ACACB: variants seen among roughly 807,000 people sequenced by gnomAD.
ACACB encodes acetyl-CoA carboxylase beta, also known as acetyl-CoA carboxylase 2.
Under a neutral mutation model 278.8 loss-of-function variants are expected in ACACB, and 209 were observed. That is an observed-to-expected ratio of 0.75 (90% CI 0.67 to 0.84). ACACB has a LOEUF of 0.84. Ranked by LOEUF, ACACB falls within the 40% of genes least tolerant of loss-of-function variation. The probability of loss-of-function intolerance (pLI) is 0.00; values close to 1 mark genes in which losing one functional copy is unlikely to be tolerated. For synonymous variants in ACACB, 1,174 were observed against 1,285.6 expected, an observed-to-expected ratio of 0.91 and a Z score of 1.86; for missense variants, 2,850 against 3,269.0, an observed-to-expected ratio of 0.87 and a Z score of 3.13.
At position 109,185,710 on chromosome 12, in the gene ACACB, C is replaced by G. The variant is rs143351589; in HGVS notation, c.1950C>G (p.Ala650=). ...CCCTCGCCCGAGGCCACGTCATTGC[C>G]GCCAGAATCACCAGCGAAAACCCAG... is the stretch of plus-strand genomic sequence containing the variant. The part of the protein sequence containing the change: ...NPPLARGHVI[A]ARITSENPDE... The change falls in exon 12 of 53, where the codon GCC becomes GCG. Residue 650 remains alanine, a synonymous_variant. Coordinates refer to ENST00000338432, the MANE Select transcript of ACACB (RefSeq NM_001093.4). 1 of 1,611,278 alleles carries G rather than the reference C, an allele frequency of 6.2e-7. No individual in the cohort carries two copies. The highest frequency in any genetic ancestry group is 1.7e-5 in the Admixed American group (1 of 59,804).
intron 42 of ACACB, 101 bp from the exon 43 acceptor site, chr12:109,252,914 C>G: frequency 8.3e-7 from 1 of 1,206,208 alleles, no homozygotes; most frequent in Non-Finnish European, 1.1e-6. Context: ...CTGGGTGATT[C>G]TAATGTGTAG....
intron 2 of ACACB, among the ~76,000 whole-genome samples, chr12:109,151,254 A>C (rs544981298): frequency 2.0e-5 from 3 of 152,184 alleles, no homozygotes; most frequent in African/African-American, 4.8e-5. Context: ...AAGTGCTGGG[A>C]TTACAGGTGT....
intron 29 of ACACB, among the ~76,000 whole-genome samples, chr12:109,233,189 C>T (rs537685694): frequency 6.6e-6 from 1 of 152,096 alleles, no homozygotes; most frequent in African/African-American, 2.4e-5. Context: ...CATAGGTGCG[C>T]CATGAGAATT....
rs373662394 is a variant in ACACB, at chr12:109,258,305, A to C, written c.6301A>C (p.Thr2101Pro). 9.9e-6 allele frequency: 16 copies of C among 1,612,522 alleles called. 1 individual carries two copies. The African/African-American group carries it at 2.0e-4, about 20-fold the overall frequency. Reference sequence around the variant, plus strand: ...TCCCGTGGGAGTGATTGCTGTGGAGACACGGACTGTGGAGGTGGCAGTCCC... The same window carrying C: ...TCCCGTGGGAGTGATTGCTGTGGAGCCACGGACTGTGGAGGTGGCAGTCCC... ...GIPVGVIAVETRTVEVAVPAD... is the reference protein window; with the variant it reads ...GIPVGVIAVEPRTVEVAVPAD... Residue 2101 changes from threonine to proline, a missense_variant, in exon 46 of 53, where the codon ACA (threonine) becomes CCA (proline). Around this residue, in one of 3 missense-constraint regions of ACACB, gnomAD observed 579 missense variants for 684.6 expected, o/e 0.85. Transcript: ENST00000338432.
intron 1 of ACACB, among the ~76,000 whole-genome samples, chr12:109,118,822 T>C (rs965736398): frequency 1.3e-5 from 2 of 152,238 alleles, no homozygotes; most frequent in Non-Finnish European, 2.9e-5. Flanking sequence ...GTTAGAAATA[T>C]TGCATTTGAT....
chr12:109,192,028 T>A, intron 15 of ACACB, 78 bp downstream of exon 15: 1 of 1,462,624 alleles, frequency 6.8e-7, no homozygotes, highest in Non-Finnish European at 9.5e-7. Context: ...CTCCTTTATT[T>A]GTGTGGCCAG....
At chr12:109,187,742 G>C (rs944613274) in intron 12 of ACACB, among the ~76,000 whole-genome samples, 1 of 151,964 alleles carries the variant, frequency 6.6e-6, no homozygotes, top group African/African-American at 2.4e-5. Context: ...TTACAGACAT[G>C]AGCCACTGCG....
intron 15 of ACACB, among the ~76,000 whole-genome samples, chr12:109,192,290 C>T (rs1331246795): frequency 6.6e-6 from 1 of 152,196 alleles, no homozygotes; most frequent in Non-Finnish European, 1.5e-5. Flanking sequence ...GTCATCTCTA[C>T]AAGCGGGTGC....
chr12:109,262,977 T>TATATATATATATATATATATAA (rs1565985883), intron 49 of ACACB: 1 of 135,878 alleles, frequency 7.4e-6, no homozygotes, highest in African/African-American at 2.7e-5. Context: ...TATATATATA[T>TATATATATATATATATATATAA]ATATATTGCC....
At chr12:109,160,820 G>C (rs1020894859) in intron 2 of ACACB, among the ~76,000 whole-genome samples, 1 of 152,212 alleles carries the variant, frequency 6.6e-6, no homozygotes, top group African/African-American at 2.4e-5. Flanking sequence ...TGCGGTAATG[G>C]GCTTGTGGCC....
At chr12:109,234,986 A>G (rs1178199305) in intron 31 of ACACB, among the ~76,000 whole-genome samples, 4 of 152,096 alleles carry the variant, frequency 2.6e-5, no homozygotes, top group Non-Finnish European at 5.9e-5. Flanking sequence ...CAGGTTGTAC[A>G]ACCATCACCA....
chr12:109,265,499 C>T lies in ACACB; in HGVS notation c.7224C>T (p.His2408=), dbSNP rs941070297. ...GTGAGAACATCACGTACCTGAAGCA[C>T]GACTCTGTCCTCAAGACCATCCGAG... ...TIRENITYLK[H]DSVLKTIRGL... The change falls in exon 52 of 53, where the codon CAC becomes CAT. Residue 2408 remains histidine (H), a synonymous_variant. Transcript: ENST00000338432. 3.7e-5 allele frequency: 59 copies of T among 1,613,624 alleles called. No individual in the cohort carries two copies. Among genetic ancestry groups the T allele is most frequent in the African/African-American group, 6.7e-5 (5 of 74,914 alleles).
chr12:109,200,249 T>G (rs968560076), intron 18 of ACACB, among the ~76,000 whole-genome samples: 1 of 151,942 alleles, frequency 6.6e-6, no homozygotes, highest in Non-Finnish European at 1.5e-5. Context: ...AGTGGCGTGA[T>G]CTTGTCTCAC....
Position 109,258,286 on chromosome 12 carries a change from G to A in ACACB, c.6282G>A (p.Val2094=). The A allele has an allele frequency of 6.2e-7, 1 of 1,612,554 alleles. No homozygotes were observed. Among genetic ancestry groups the A allele is most frequent in the Non-Finnish European group, 8.5e-7 (1 of 1,179,780 alleles). Residue 2094 remains valine (V), a synonymous_variant, in exon 46 of 53, where the codon GTG becomes GTA. Transcript: ENST00000338432. ...TGRARLGGIP[V]GVIAVETRTV... ...TTTCCAGGCTTGGGGGGATTCCCGT[G>A]GGAGTGATTGCTGTGGAGACACGGA...
At chr12:109,224,677 G>A (rs373280538) in intron 27 of ACACB, among the ~76,000 whole-genome samples, 16 of 151,494 alleles carry the variant, frequency 1.1e-4, no homozygotes, top group Admixed American at 4.0e-4. Flanking sequence ...GCCTACAGGC[G>A]CCCACCACCA....
intron 1 of ACACB, among the ~76,000 whole-genome samples, chr12:109,118,147 G>C (rs1203922841): frequency 6.6e-6 from 1 of 152,162 alleles, no homozygotes; most frequent in Non-Finnish European, 1.5e-5. Context: ...TAAGTGGAAA[G>C]ACCCAGCCAA....
rs1019103369 is a variant in ACACB, at chr12:109,239,686, G to A, written c.4663-144G>A. 5 of 918,544 alleles carry A rather than the reference G, an allele frequency of 5.4e-6. No homozygotes were observed. The African/African-American group carries it at 6.7e-5, about 12-fold the overall frequency. The allele number at this position is 918,544 out of a possible 1,614,324, so 56.9% of individuals were successfully genotyped here. A position where few individuals can be genotyped will look rare whatever the true frequency, so the allele number is the denominator to read the frequency against. ...AGTCCCTTCGCCTCTGAGAGGCAGG[G>A]CTCTGCTGTTCTTGCCTGGCACACT... On this transcript the variant is annotated intron_variant, in intron 34 of 52. Transcript: ENST00000338432.
intron 16 of ACACB, among the ~76,000 whole-genome samples, chr12:109,194,046 G>A (rs934959303): frequency 6.6e-6 from 1 of 152,266 alleles, no homozygotes; most frequent in Admixed American, 6.5e-5. Context: ...GTCTAAAATC[G>A]AGGTGTTGGC....
intron 30 of ACACB, 30 bp from the exon 31 acceptor site, chr12:109,233,908 C>T: frequency 6.2e-7 from 1 of 1,613,434 alleles, no homozygotes; most frequent in Non-Finnish European, 8.5e-7. Context: ...CCCAGGCTTT[C>T]CAGCCCTACC....
Sources: allele counts gnomAD v4.1 joint callset (sites outside exome capture counted in the v4.1 genomes callset), GRCh38; gene constraint gnomAD v4.1.1; regional missense constraint gnomAD v4.1.1; transcripts MANE v1.5; gene names NCBI Gene and HGNC (gene_info 2026-07-23, HGNC 2026-07-21).